The following CCDC3 variants were observed in gnomAD, a reference collection of about 807,000 sequenced individuals.
CCDC3 encodes coiled-coil domain-containing protein 3.
CCDC3 carries 24 observed loss-of-function variants against 21.4 expected under a neutral mutation model. The ratio of observed to expected loss-of-function variants is 1.12; its 90% CI spans 0.81 to 1.58. The LOEUF (loss-of-function observed/expected upper bound fraction) is 1.58. Among genes scored for constraint, CCDC3 ranks in the 40% most tolerant of loss-of-function variants. The probability of loss-of-function intolerance (pLI) is 0.00; values close to 1 mark genes in which losing one functional copy is unlikely to be tolerated. For synonymous variants in CCDC3, 186 were observed against 166.0 expected, an observed-to-expected ratio of 1.12 and a Z score of -0.93; for missense variants, 425 against 360.9, an observed-to-expected ratio of 1.18 and a Z score of -1.44.
chr10:12,991,322 T>TG (rs11463184), intron 2 of CCDC3, among the ~76,000 whole-genome samples: 43,722 of 151,552 alleles, frequency 0.29, 6,549 homozygotes, highest in African/African-American at 0.34. Context: ...TTGTTGTTGT[T>TG]TTGTTTTTTT....
chr10:12,956,884 A>C (rs1474234520), intron 2 of CCDC3, among the ~76,000 whole-genome samples: 1 of 152,230 alleles, frequency 6.6e-6, no homozygotes, highest in African/African-American at 2.4e-5. Context: ...AAAAAACTCA[A>C]GGCTGCCAAC....
chr10:12,904,249 G>C (rs897408925), intron 2 of CCDC3, among the ~76,000 whole-genome samples: 2 of 151,794 alleles, frequency 1.3e-5, no homozygotes, highest in African/African-American at 4.8e-5. Context: ...GGAGGACTGC[G>C]TGAGCCTAGG....
intron 2 of CCDC3, among the ~76,000 whole-genome samples, chr10:12,993,514 T>A (rs1835709081): frequency 6.6e-6 from 1 of 152,156 alleles, no homozygotes; most frequent in East Asian, 1.9e-4. Context: ...CTGACATAAG[T>A]ATGGGTCAGT....
intron 2 of CCDC3, among the ~76,000 whole-genome samples, chr10:12,929,207 A>T (rs1404199323): frequency 2.0e-5 from 3 of 147,480 alleles, no homozygotes; most frequent in Non-Finnish European, 3.0e-5. Context: ...GGTCGCAGTG[A>T]GCCGAGATCG....
At chr10:12,964,791 A>C (rs780280905) in intron 2 of CCDC3, among the ~76,000 whole-genome samples, 17 of 152,212 alleles carry the variant, frequency 1.1e-4, no homozygotes, top group Non-Finnish European at 1.9e-4. Flanking sequence ...ACCACTGGTA[A>C]ATGTATTAAG....
intron 5 of CCDC3, among the ~76,000 whole-genome samples, chr10:13,042,971 T>C (rs894596242): frequency 2.0e-5 from 3 of 151,778 alleles, no homozygotes; most frequent in African/African-American, 7.2e-5. Context: ...CCTATTTAAG[T>C]TAACATCTCA....
chr10:12,961,490 G>A (rs967464980), intron 2 of CCDC3, among the ~76,000 whole-genome samples: 2 of 152,178 alleles, frequency 1.3e-5, no homozygotes, highest in African/African-American at 4.8e-5. Context: ...CACAGTCTAT[G>A]TCACAAATCT....
intron 2 of CCDC3, among the ~76,000 whole-genome samples, chr10:12,972,822 T>TAAATA (rs3028902): frequency 0.56 from 84,943 of 150,346 alleles, 24,032 homozygotes; most frequent in South Asian, 0.64. Flanking sequence ...GTCTCAAAAA[T>TAAATA]AAATAAAATA....
chr10:12,943,798 CCTCT>C (rs145687708), intron 2 of CCDC3, among the ~76,000 whole-genome samples: 3,405 of 152,224 alleles, frequency 0.022, 58 homozygotes, highest in Non-Finnish European at 0.035. Context: ...CTTGGAAGAC[CCTCT>C]CTCTCTGCAG....
chr10:12,946,945 A>C (rs566291081), intron 2 of CCDC3, among the ~76,000 whole-genome samples: 1 of 152,304 alleles, frequency 6.6e-6, no homozygotes, highest in South Asian at 2.1e-4. Flanking sequence ...ATGGAAGCCA[A>C]GAAGAAATAG....
chr10:12,983,073 C>G (rs825424), intron 2 of CCDC3, among the ~76,000 whole-genome samples: 17,478 of 145,882 alleles, frequency 0.12, 1,094 homozygotes, highest in Admixed American at 0.16. Context: ...GGTCATGCCA[C>G]TACACTCCAC....
chr10:12,987,407 T>C (rs1039487055), intron 2 of CCDC3, among the ~76,000 whole-genome samples: 2 of 152,182 alleles, frequency 1.3e-5, no homozygotes, highest in Non-Finnish European at 2.9e-5. Flanking sequence ...ACATAACGCC[T>C]CACACATAAC....
intron 5 of CCDC3, among the ~76,000 whole-genome samples, chr10:13,016,108 A>C (rs1221159736): frequency 6.6e-6 from 1 of 152,008 alleles, no homozygotes; most frequent in Non-Finnish European, 1.5e-5. Flanking sequence ...AACATTAAAA[A>C]AATTTTAATA....
intron 2 of CCDC3, among the ~76,000 whole-genome samples, chr10:12,934,433 T>C (rs1474045020): frequency 6.6e-6 from 1 of 152,220 alleles, no homozygotes; most frequent in Non-Finnish European, 1.5e-5. Context: ...TGTTGGTGGA[T>C]GAAGGAGTAT....
chr10:12,896,797 G>A lies in CCDC3; in HGVS notation c.*1619C>T, dbSNP rs368777532. ...AAATGTCCCCAGGAGGAATAAACTA[G>A]AAGACGCACCTGCTATTTCACCATA... is the stretch of plus-strand genomic sequence containing the variant. On this transcript the variant is annotated 3_prime_UTR_variant, in exon 3 of 3. Transcript: ENST00000378825. The A allele has an allele frequency of 6.6e-6, 1 of 152,666 alleles. No homozygotes were observed. The highest frequency in any genetic ancestry group is 2.1e-4 in the South Asian group (1 of 4,830). 9.5% of individuals were successfully genotyped at this position (152,666 alleles called of 1,614,324 possible).
At chr10:12,957,471 A>C (rs1032267432) in intron 2 of CCDC3, among the ~76,000 whole-genome samples, 2 of 152,264 alleles carry the variant, frequency 1.3e-5, no homozygotes, top group African/African-American at 2.4e-5. Flanking sequence ...GAAACAAAGA[A>C]AGCCGACGAC....
chr10:13,041,510 T>A (rs76620831), intron 5 of CCDC3, among the ~76,000 whole-genome samples: 1,809 of 20,928 alleles, frequency 0.086, 8 homozygotes, highest in South Asian at 0.27. Context: ...GATAATTTTT[T>A]TTTTTTTTTT....
chr10:12,994,681 A>T (rs1195610024), intron 2 of CCDC3, among the ~76,000 whole-genome samples: 1 of 152,184 alleles, frequency 6.6e-6, no homozygotes, highest in South Asian at 2.1e-4. Context: ...AACAATGTTG[A>T]CTGCTTCTGA....
At chr10:13,085,231 G>A (rs377500277) in intron 3 of CCDC3, among the ~76,000 whole-genome samples, 22 of 152,158 alleles carry the variant, frequency 1.4e-4, no homozygotes, top group East Asian at 5.8e-4. Flanking sequence ...TTGAGTGAGC[G>A]TGCTGTTGTG....
Sources: gnomAD v4.1 joint callset for allele counts (sites outside exome capture counted in the v4.1 genomes callset) on GRCh38, gnomAD v4.1.1 for gene constraint, MANE v1.5 for transcripts, NCBI Gene and HGNC (gene_info 2026-07-23, HGNC 2026-07-21) for gene names.